The following ANK3 variants were observed in gnomAD, a reference collection of about 807,000 sequenced individuals.
The protein encoded by ANK3 is ankyrin 3, also known as ankyrin-3.
ANK3 carries 57 observed loss-of-function variants against 370.9 expected under a neutral mutation model. The observed-to-expected ratio is 0.15, with a 90% confidence interval of 0.12 to 0.19. ANK3 has a LOEUF of 0.19. Among genes scored for constraint, ANK3 ranks in the 10% least tolerant of loss-of-function variants. The pLI is 1.00. For synonymous variants in ANK3, 1,929 were observed against 1,946.3 expected (o/e 0.99, Z 0.23); for missense variants, 4,439 against 5,302.1 (o/e 0.84, Z 5.06).
At chr10:60,054,504 G>A (rs1043051510) in intron 42 of ANK3, among the ~76,000 whole-genome samples, 2 of 151,950 alleles carry the variant, frequency 1.3e-5, no homozygotes, top group Non-Finnish European at 2.9e-5. Context: ...TTATATCAAA[G>A]CAACTTACTT....
intron 1 of ANK3, among the ~76,000 whole-genome samples, chr10:60,693,899 G>A (rs1482379703): frequency 2.6e-5 from 4 of 152,244 alleles, no homozygotes; most frequent in African/African-American, 9.6e-5. Flanking sequence ...GCTGGATGGA[G>A]AATGACTTTG....
intron 2 of ANK3, among the ~76,000 whole-genome samples, chr10:60,575,316 A>C (rs1317209724): frequency 1.3e-5 from 2 of 151,254 alleles, no homozygotes; most frequent in African/African-American, 4.8e-5. Context: ...TTACAAGCTG[A>C]AGTGCTCTCT....
intron 2 of ANK3, among the ~76,000 whole-genome samples, chr10:60,532,900 C>A (rs775078587): frequency 6.6e-5 from 10 of 151,992 alleles, no homozygotes; most frequent in Non-Finnish European, 8.8e-5. Context: ...GAGGGTAATT[C>A]TAAGAGGAGT....
Position 60,696,273 on chromosome 10 carries a change from C to G in ANK3, c.57+36990G>C, listed in dbSNP as rs377672585. On this transcript the variant is annotated intron_variant, in intron 1 of 43. Transcript: ENST00000373827. ...TGGCAATAATCAATAGCTTACCAAC[C>G]AAAAAGAGTCCAGGACCAGATGGAT... 3.2e-3 allele frequency among the ~76,000 whole-genome samples: 477 copies of G among 149,612 alleles called. 14 individuals carry two copies. The highest frequency in any genetic ancestry group is 0.025 in the Admixed American group (376 of 15,024).
chr10:60,574,876 C>T (rs2077664216), intron 2 of ANK3, among the ~76,000 whole-genome samples: 1 of 152,112 alleles, frequency 6.6e-6, no homozygotes, highest in Non-Finnish European at 1.5e-5. Flanking sequence ...AGATTCCAAG[C>T]AGTAGGATTT....
intron 8 of ANK3, among the ~76,000 whole-genome samples, chr10:60,227,956 A>G (rs1360605901): frequency 1.3e-5 from 2 of 152,096 alleles, no homozygotes; most frequent in African/African-American, 4.8e-5. Context: ...CATACTGGGT[A>G]TTATGTATGA....
chr10:60,621,539 G>T (rs914612615), intron 1 of ANK3, among the ~76,000 whole-genome samples: 1 of 152,052 alleles, frequency 6.6e-6, no homozygotes, highest in Non-Finnish European at 1.5e-5. Flanking sequence ...ACTCTCCTGG[G>T]GTCGTGTAAT....
At chr10:60,038,405 A>G (rs1329777249) in intron 43 of ANK3, among the ~76,000 whole-genome samples, 1 of 152,172 alleles carries the variant, frequency 6.6e-6, no homozygotes, top group Non-Finnish European at 1.5e-5. Flanking sequence ...AAAATAAAAG[A>G]AGAAACAAAA....
chr10:60,422,776 A>G (rs2132955147), intron 2 of ANK3, among the ~76,000 whole-genome samples: 1 of 152,240 alleles, frequency 6.6e-6, no homozygotes, highest in East Asian at 1.9e-4. Flanking sequence ...TTTGCCAAAT[A>G]TTAAAAAACG....
chr10:60,034,131 G>A (rs2074385885), intron 43 of ANK3, among the ~76,000 whole-genome samples: 1 of 116,710 alleles, frequency 8.6e-6, no homozygotes, highest in South Asian at 2.9e-4. Context: ...TTTTGAGACA[G>A]AGTCTTGCTC....
intron 28 of ANK3, among the ~76,000 whole-genome samples, chr10:60,100,410 CTT>C (rs982921533): frequency 9.9e-5 from 15 of 151,882 alleles, no homozygotes; most frequent in African/African-American, 3.4e-4. Flanking sequence ...TCTACAATGA[CTT>C]AACACTATTG....
intron 2 of ANK3, among the ~76,000 whole-genome samples, chr10:60,570,756 C>T (rs1349858572): frequency 6.6e-6 from 1 of 151,982 alleles, no homozygotes; most frequent in Non-Finnish European, 1.5e-5. Flanking sequence ...GGAAGAAGGG[C>T]TCAAAGCAAT....
chr10:60,138,621 T>C, intron 24 of ANK3: 1 of 440,666 alleles, frequency 2.3e-6, no homozygotes, highest in Non-Finnish European at 4.0e-6. Flanking sequence ...AAATAATACT[T>C]TCTTTCAATA....
intron 16 of ANK3, among the ~76,000 whole-genome samples, chr10:60,189,298 C>T (rs904559249): frequency 2.0e-5 from 3 of 152,250 alleles, no homozygotes; most frequent in Non-Finnish European, 4.4e-5. Context: ...CTCGAGACCA[C>T]CCTGGGCAAC....
chr10:60,089,077 T>A (rs915923837), intron 28 of ANK3, among the ~76,000 whole-genome samples: 2 of 152,226 alleles, frequency 1.3e-5, no homozygotes, highest in Admixed American at 6.5e-5. Flanking sequence ...CAGAACTTCA[T>A]TTAAAAACCT....
chr10:60,434,762 A>G lies in ANK3; in HGVS notation c.97-155123T>C, dbSNP rs544119579. On this transcript the variant is annotated intron_variant, in intron 2 of 43. Transcript: ENST00000373827. ...GTGTATGCATTTTTGCAGAAGCTCA[A>G]ATCAAATGGTTTCAGAATCTATACA... Among the ~76,000 whole-genome samples the G allele has an allele frequency of 1.2e-4, 18 of 152,334 alleles. No individual in the cohort carries two copies. The South Asian group carries it at 3.3e-3, about 28-fold the overall frequency.
chr10:60,154,235 G>A (rs1409073533), intron 23 of ANK3, among the ~76,000 whole-genome samples: 1 of 152,172 alleles, frequency 6.6e-6, no homozygotes, highest in African/African-American at 2.4e-5. Flanking sequence ...AAGCTGCTAA[G>A]AACAGTGACT....
chr10:60,544,450 C>T (rs2076917746), intron 2 of ANK3, among the ~76,000 whole-genome samples: 1 of 152,084 alleles, frequency 6.6e-6, no homozygotes. Flanking sequence ...CTGCTTTCTT[C>T]AGTACCTCAT....
intron 1 of ANK3, among the ~76,000 whole-genome samples, chr10:60,343,791 T>C (rs1370688118): frequency 1.3e-5 from 2 of 152,212 alleles, no homozygotes; most frequent in Non-Finnish European, 2.9e-5. Flanking sequence ...AACTCCAGCA[T>C]ACATGACAGT....
Sources: gnomAD v4.1 joint callset for allele counts (sites outside exome capture counted in the v4.1 genomes callset) on GRCh38, gnomAD v4.1.1 for gene constraint, MANE v1.5 for transcripts, NCBI Gene and HGNC (gene_info 2026-07-23, HGNC 2026-07-21) for gene names.